Variants in AKAP19 observed in about 807,000 individuals in gnomAD.
AKAP19 encodes A-kinase anchoring protein 19.
the AKAP19 span, among the ~76,000 whole-genome samples, chr2:189,932,522 T>A: frequency 1.3e-5 from 2 of 152,026 alleles, no homozygotes; most frequent in African/African-American, 2.4e-5. Flanking sequence ...GGAATTCTAT[T>A]TTGGGGAAGA....
chr2:190,138,343 A>G, the AKAP19 span, among the ~76,000 whole-genome samples: 2 of 152,218 alleles, frequency 1.3e-5, no homozygotes, highest in Admixed American at 1.3e-4. Flanking sequence ...GTGGAGTAGA[A>G]GTCCCTCCAG....
At chr2:189,974,097 G>C in the AKAP19 span, among the ~76,000 whole-genome samples, 1 of 151,944 alleles carries the variant, frequency 6.6e-6, no homozygotes, top group Non-Finnish European at 1.5e-5. Flanking sequence ...GATCTTTCCT[G>C]CTTTCTCTTG....
chr2:189,969,963 C>G, the AKAP19 span, among the ~76,000 whole-genome samples: 1 of 148,904 alleles, frequency 6.7e-6, no homozygotes. Context: ...GCCTCAATCT[C>G]CCAGGCTCAG....
the AKAP19 span, among the ~76,000 whole-genome samples, chr2:189,999,962 G>A: frequency 1.1e-4 from 16 of 152,298 alleles, no homozygotes; most frequent in South Asian, 6.2e-4. Context: ...GCTAACTAAC[G>A]TAGGCAATAA....
At chr2:189,981,472 C>T in the AKAP19 span, among the ~76,000 whole-genome samples, 2 of 152,034 alleles carry the variant, frequency 1.3e-5, no homozygotes, top group Non-Finnish European at 2.9e-5. Context: ...GTACTTGTGT[C>T]TTCTGAATGG....
At chr2:189,986,999 C>T in the AKAP19 span, among the ~76,000 whole-genome samples, 26 of 152,096 alleles carry the variant, frequency 1.7e-4, no homozygotes, top group African/African-American at 5.8e-4. Context: ...GTCCAAAAAA[C>T]CCCGTAAAAC....
chr2:189,883,833 A>G, the AKAP19 span, among the ~76,000 whole-genome samples: 3 of 152,140 alleles, frequency 2.0e-5, no homozygotes, highest in African/African-American at 7.2e-5. Flanking sequence ...GAAACAAAAT[A>G]AGAGCAATAT....
the AKAP19 span, among the ~76,000 whole-genome samples, chr2:190,021,049 C>G: frequency 3.9e-5 from 6 of 152,220 alleles, no homozygotes; most frequent in African/African-American, 1.4e-4. Flanking sequence ...ACTTGAGTTA[C>G]TTTCATCTTT....
the AKAP19 span, among the ~76,000 whole-genome samples, chr2:190,196,916 G>A: frequency 1.3e-5 from 2 of 152,142 alleles, no homozygotes; most frequent in African/African-American, 4.8e-5. Context: ...AGAAGACTGG[G>A]TGTTTATCAA....
the AKAP19 span, among the ~76,000 whole-genome samples, chr2:190,127,351 C>T: frequency 2.0e-5 from 3 of 151,906 alleles, no homozygotes; most frequent in African/African-American, 7.3e-5. Context: ...TCCACCAACA[C>T]AGTTTTTCCT....
At chr2:190,190,491 T>C in the AKAP19 span, among the ~76,000 whole-genome samples, 1 of 152,238 alleles carries the variant, frequency 6.6e-6, no homozygotes. Flanking sequence ...CTTTGACTAT[T>C]GTGAATAAAG....
chr2:190,131,311 G>A, the AKAP19 span, among the ~76,000 whole-genome samples: 7 of 152,150 alleles, frequency 4.6e-5, no homozygotes, highest in Non-Finnish European at 7.4e-5. Context: ...TCTCAGGAAA[G>A]GGAAGAGAGG....
the AKAP19 span, among the ~76,000 whole-genome samples, chr2:190,163,450 AAAAAC>A: frequency 7.2e-6 from 1 of 138,952 alleles, no homozygotes; most frequent in African/African-American, 2.7e-5. Flanking sequence ...ACAAAAAACA[AAAAAC>A]AAAAAAAAAA....
chr2:189,956,261 C>CGGAGG, the AKAP19 span, among the ~76,000 whole-genome samples: 1 of 143,786 alleles, frequency 7.0e-6, no homozygotes, highest in Non-Finnish European at 1.5e-5. Context: ...GCTCCGCCTC[C>CGGAGG]CGGGTTCACG....
the AKAP19 span, among the ~76,000 whole-genome samples, chr2:190,072,700 T>TA: frequency 2.6e-5 from 4 of 152,084 alleles, no homozygotes; most frequent in East Asian, 1.9e-4. Flanking sequence ...ATAGTCAAAA[T>TA]AAAAAATCAA....
chr2:190,055,277 A>G, the AKAP19 span, among the ~76,000 whole-genome samples: 1 of 143,596 alleles, frequency 7.0e-6, no homozygotes, highest in Non-Finnish European at 1.5e-5. Context: ...GGAATTGAAC[A>G]ATGAGAACAC....
At chr2:189,907,590 T>G in the AKAP19 span, among the ~76,000 whole-genome samples, 1 of 152,154 alleles carries the variant, frequency 6.6e-6, no homozygotes, top group African/African-American at 2.4e-5. Flanking sequence ...GAAACTAAAC[T>G]TCATGATGAT....
the AKAP19 span, chr2:190,089,647 T>A: frequency 6.6e-6 from 1 of 152,160 alleles, no homozygotes; most frequent in African/African-American, 2.4e-5. Flanking sequence ...CAATATTACA[T>A]GTTTTTGCCC....
At chr2:189,964,993 T>TCTTGGCTTTAGACCTGC in the AKAP19 span, among the ~76,000 whole-genome samples, 1 of 152,270 alleles carries the variant, frequency 6.6e-6, no homozygotes, top group African/African-American at 2.4e-5. Context: ...TTTTGGCCTG[T>TCTTGGCTTTAGACCTGC]CTTGGCTTTA....
Sources: gnomAD v4.1 joint callset for allele counts (sites outside exome capture counted in the v4.1 genomes callset) on GRCh38, gnomAD v4.1.1 for gene constraint, MANE v1.5 for transcripts, NCBI Gene and HGNC (gene_info 2026-07-23, HGNC 2026-07-21) for gene names.